The following TBCD variants were observed in gnomAD, a reference collection of about 807,000 sequenced individuals.
The protein encoded by TBCD is tubulin-specific chaperone D.
A neutral mutation model predicts 169.3 loss-of-function variants in TBCD; 105 were observed. The observed-to-expected ratio is 0.62, with a 90% CI of 0.53 to 0.73. TBCD has a LOEUF of 0.73. Ranked by LOEUF, TBCD falls within the 30% of genes least tolerant of loss-of-function variation. The pLI is 0.00. For synonymous variants in TBCD, 700 were observed against 643.9 expected, an observed-to-expected ratio of 1.09 and a Z score of -1.32; for missense variants, 1,444 against 1,600.1, an observed-to-expected ratio of 0.90 and a Z score of 1.66.
At position 82,903,839 on chromosome 17, in the gene TBCD, C is replaced by T. The variant is rs1389097914; in HGVS notation, c.1804+361C>T. Among the ~76,000 whole-genome samples the T allele has an allele frequency of 1.9e-5, 1 of 53,670 alleles. No individual in the cohort carries two copies. 35.2% of individuals were successfully genotyped at this position (53,670 alleles called of 152,430 possible). Reference sequence around the variant, plus strand: ...CCTGCCACACGACACTCCCTGGTCTCTAGGTGGCTCGCACCTGCCACACGA... The same window carrying T: ...CCTGCCACACGACACTCCCTGGTCTTTAGGTGGCTCGCACCTGCCACACGA... On this transcript the variant is annotated intron_variant, in intron 19 of 38. Coordinates refer to ENST00000355528, the MANE Select transcript of TBCD (RefSeq NM_005993.5). This position sits in a 1 kb window ranked among gnomAD's most constrained non-coding sequence, Gnocchi z 4.8.
chr17:82,911,686 T>C, intron 22 of TBCD, 72 bp from the exon 23 acceptor site: 1 of 1,469,456 alleles, frequency 6.8e-7, no homozygotes, highest in East Asian at 2.3e-5. Flanking sequence ...GAGGTTACAT[T>C]GGCAAGCATA....
At chr17:82,931,839 C>G (rs1406279920) in intron 33 of TBCD, 1 of 152,238 alleles carries the variant, frequency 6.6e-6, no homozygotes, top group Admixed American at 6.5e-5. Context: ...CACACAGAGG[C>G]GAATGTCTAG....
At chr17:82,929,588 G>A in intron 32 of TBCD, 88 bp downstream of exon 32, 2 of 1,543,788 alleles carry the variant, frequency 1.3e-6, no homozygotes, top group Non-Finnish European at 1.8e-6. Flanking sequence ...TATGGAGCTG[G>A]GCCTTTTCTT....
At chr17:82,842,121 A>G (rs1487589104) in intron 13 of TBCD, among the ~76,000 whole-genome samples, 2 of 152,330 alleles carry the variant, frequency 1.3e-5, no homozygotes, top group Non-Finnish European at 2.9e-5. Flanking sequence ...CAGGAGTGCC[A>G]GGTGTCTGCG....
chr17:82,909,906 G>T (rs1458950120), intron 22 of TBCD, among the ~76,000 whole-genome samples: 1 of 152,262 alleles, frequency 6.6e-6, no homozygotes, highest in African/African-American at 2.4e-5. Context: ...TGCTCTGACA[G>T]ATTGCTTTGC....
At chr17:82,855,235 CTTTTTTTTTTTTTTTTTTTTTT>C (rs58346723) in intron 13 of TBCD, among the ~76,000 whole-genome samples, 27 of 54,034 alleles carry the variant, frequency 5.0e-4, no homozygotes, top group African/African-American at 1.4e-3. Context: ...AAGGTGTTTG[CTTTTTTTTTTTTTTTTTTTTTT>C]TTTTTTTTTT....
At chr17:82,791,154 C>T (rs139813655) in intron 7 of TBCD, among the ~76,000 whole-genome samples, 1,783 of 147,430 alleles carry the variant, frequency 0.012, 37 homozygotes, top group African/African-American at 0.041. Flanking sequence ...TGCAGTGGCG[C>T]GATCTCGGCT....
intron 13 of TBCD, among the ~76,000 whole-genome samples, chr17:82,849,591 C>T (rs2055477560): frequency 6.6e-6 from 1 of 152,210 alleles, no homozygotes. Flanking sequence ...GTAAGAACCG[C>T]GTGGCACTAG....
intron 12 of TBCD, among the ~76,000 whole-genome samples, chr17:82,810,817 C>T (rs988030039): frequency 4.6e-5 from 7 of 152,178 alleles, no homozygotes; most frequent in Non-Finnish European, 8.8e-5. Context: ...GGCTCCAGTT[C>T]GCGTTGCCTG....
chr17:82,890,111 G>C lies in TBCD; in HGVS notation c.1563+414G>C, dbSNP rs946925587. Among the ~76,000 whole-genome samples the C allele has an allele frequency of 2.6e-5, 4 of 152,220 alleles. No individual in the cohort carries two copies. The East Asian group carries it at 5.8e-4, about 22-fold the overall frequency. ...CGGGCCCAGAAGTCAGCTCCCAGAA[G>C]CTACGGACCCCATGACCCCACGACC... is the stretch of plus-strand genomic sequence containing the variant. On this transcript the variant is annotated intron_variant, in intron 16 of 38. Transcript: ENST00000355528. The surrounding 1 kb of genome is among the most constrained non-coding windows in gnomAD (Gnocchi z 5.3).
intron 34 of TBCD, among the ~76,000 whole-genome samples, chr17:82,933,363 C>T (rs1295857505): frequency 6.7e-6 from 1 of 149,316 alleles, no homozygotes; most frequent in Non-Finnish European, 1.5e-5. Context: ...CAGCCTCTAC[C>T]TCAGCCTCCC....
At chr17:82,761,721 CT>C (rs888633545) in intron 2 of TBCD, among the ~76,000 whole-genome samples, 44 of 145,556 alleles carry the variant, frequency 3.0e-4, no homozygotes, top group African/African-American at 7.3e-4. Flanking sequence ...TTTGTTTCTT[CT>C]TTTTTTTTTT....
intron 17 of TBCD, among the ~76,000 whole-genome samples, chr17:82,898,577 C>T (rs560671131): frequency 6.6e-6 from 1 of 152,076 alleles, no homozygotes; most frequent in East Asian, 1.9e-4. Context: ...TTTATTGATT[C>T]AGAAGAACTG....
intron 3 of TBCD, among the ~76,000 whole-genome samples, chr17:82,765,575 A>G (rs583245): frequency 0.38 from 57,668 of 152,052 alleles, 11,002 homozygotes; most frequent in Middle Eastern, 0.42. Flanking sequence ...GTCCTTGGCC[A>G]GCGAGAGGAC....
At position 82,832,643 on chromosome 17, in the gene TBCD, T is replaced by A. The variant is rs1871952416; in HGVS notation, c.1318+17709T>A. On this transcript the variant is annotated intron_variant, in intron 13 of 38. Coordinates refer to ENST00000355528, the MANE Select transcript of TBCD (RefSeq NM_005993.5). The surrounding 1 kb of genome is among the most constrained non-coding windows in gnomAD (Gnocchi z 4.9). ...GTCATCTGGCGGCTGGGAGCTGTAA[T>A]AAAGAGCAGTCTTGGTGTCAGGACA... The A allele has an allele frequency of 1.9e-5, 12 of 636,280 alleles. No homozygotes were observed. The highest frequency in any genetic ancestry group is 3.3e-5 in the Non-Finnish European group (12 of 361,350). The allele number at this position is 636,280 out of a possible 1,614,324, so 39.4% of individuals were successfully genotyped here. A position where few individuals can be genotyped will look rare whatever the true frequency, so the allele number is the denominator to read the frequency against.
intron 9 of TBCD, among the ~76,000 whole-genome samples, chr17:82,804,497 T>C (rs551831158): frequency 7.9e-5 from 12 of 152,212 alleles, no homozygotes; most frequent in African/African-American, 2.9e-4. Context: ...TGAGGCTTCT[T>C]GAAGGCGCCG....
intron 34 of TBCD, 99 bp downstream of exon 34, chr17:82,932,834 A>G: frequency 4.8e-6 from 6 of 1,256,278 alleles, no homozygotes; most frequent in Non-Finnish European, 6.8e-6. Flanking sequence ...ATTCCAGGAA[A>G]TGATCTTCCA....
chr17:82,859,982 C>A (rs1214645922), intron 13 of TBCD: 58 of 763,174 alleles, frequency 7.6e-5, no homozygotes, highest in Non-Finnish European at 9.1e-5. Context: ...CTTCATGTGT[C>A]CTTGGGTGTC....
chr17:82,800,469 G>C (rs1034609809), intron 8 of TBCD, among the ~76,000 whole-genome samples: 4 of 151,740 alleles, frequency 2.6e-5, no homozygotes, highest in African/African-American at 9.7e-5. Context: ...GGTTGCTGCA[G>C]TGTGCCCTGT....
Sources: allele counts gnomAD v4.1 joint callset (sites outside exome capture counted in the v4.1 genomes callset), GRCh38; gene constraint gnomAD v4.1.1; non-coding constraint Gnocchi (gnomAD v3.1); transcripts MANE v1.5; gene names NCBI Gene and HGNC (gene_info 2026-07-23, HGNC 2026-07-21).